Variants in HIVEP1 observed in about 807,000 individuals in gnomAD.
HIVEP1 encodes the protein HIVEP zinc finger 1, also known as zinc finger protein 40.
Under a neutral mutation model 180.0 loss-of-function variants are expected in HIVEP1, and 36 were observed. That is an observed-to-expected ratio of 0.20 (90% CI 0.15 to 0.26). The LOEUF (loss-of-function observed/expected upper bound fraction) is 0.26. HIVEP1 is among the 10% of genes least tolerant of loss of function. The probability of loss-of-function intolerance (pLI) is 1.00; values close to 1 mark genes in which losing one functional copy is unlikely to be tolerated. For missense variants in HIVEP1, 3,143 were observed against 3,268.7 expected, an observed-to-expected ratio of 0.96 and a Z score of 0.94; for synonymous variants, 1,239 against 1,239.0, an observed-to-expected ratio of 1.00 and a Z score of 0.00.
At chr6:12,052,033 A>G (rs1475356) in intron 2 of HIVEP1, among the ~76,000 whole-genome samples, 119,873 of 152,158 alleles carry the variant, frequency 0.79, 47,284 homozygotes, top group Middle Eastern at 0.91. Context: ...TGGTTAGCCA[A>G]TACAGAGATC....
chr6:12,011,577 C>T (rs1472230559), upstream of HIVEP1, among the ~76,000 whole-genome samples: 1 of 150,388 alleles, frequency 6.6e-6, no homozygotes, highest in African/African-American at 2.4e-5. Flanking sequence ...CGCCCCTCCC[C>T]CCCGGGCTGC....
At chr6:12,015,011 G>T (rs1350686083) in intron 1 of HIVEP1, among the ~76,000 whole-genome samples, 1 of 152,162 alleles carries the variant, frequency 6.6e-6, no homozygotes, top group Admixed American at 6.5e-5. Flanking sequence ...AGTCTCATCC[G>T]CTCACAGGTC....
chr6:12,075,042 TA>T (rs1161314534), intron 2 of HIVEP1, among the ~76,000 whole-genome samples: 1 of 152,090 alleles, frequency 6.6e-6, no homozygotes, highest in African/African-American at 2.4e-5. Flanking sequence ...GAAAAGACAG[TA>T]AAAAAAGTAC....
intron 2 of HIVEP1, among the ~76,000 whole-genome samples, chr6:12,066,661 AT>A (rs1297433245): frequency 6.6e-6 from 1 of 152,208 alleles, no homozygotes; most frequent in East Asian, 1.9e-4. Flanking sequence ...GACTGCTTAG[AT>A]TATGAAGATT....
At chr6:12,045,754 A>G (rs1770077843) in intron 2 of HIVEP1, among the ~76,000 whole-genome samples, 1 of 152,252 alleles carries the variant, frequency 6.6e-6, no homozygotes, top group South Asian at 2.1e-4. Context: ...CATTTATTAA[A>G]TGACAATTAA....
At chr6:12,058,212 T>C (rs752851736) in intron 2 of HIVEP1, among the ~76,000 whole-genome samples, 9 of 152,142 alleles carry the variant, frequency 5.9e-5, no homozygotes, top group Non-Finnish European at 1.3e-4. Context: ...AGTGTCAATA[T>C]TGCCAGTGAT....
rs765564447 is a variant in HIVEP1 at position 12,124,653 on chromosome 6, C to T, written c.4858C>T (p.Leu1620Phe). The part of the protein sequence containing the change: ...SNSHPLLPPE[L>F]RPLGSQVQKV... ...TTCGCATCCTCTGCTACCACCAGAGCTCAGGCCCCTTGGAAGTCAGGTGCA... is the reference window on the plus strand; with the variant it reads ...TTCGCATCCTCTGCTACCACCAGAGTTCAGGCCCCTTGGAAGTCAGGTGCA... Residue 1620 changes from leucine (L) to phenylalanine (F), a missense_variant, in exon 4 of 9, where the codon CTC (leucine) becomes TTC (phenylalanine). By Grantham distance (22) the Leu-to-Phe change is conservative. Around this residue, in one of 12 missense-constraint regions of HIVEP1, gnomAD observed 1,357 missense variants for 1,260.5 expected, o/e 1.08. Transcript: ENST00000379388. The T allele has an allele frequency of 6.2e-7, 1 of 1,614,168 alleles. No individual in the cohort carries two copies. Among genetic ancestry groups the T allele is most frequent in the Admixed American group, 1.7e-5 (1 of 60,034 alleles).
chr6:12,074,645 C>T lies in HIVEP1; in HGVS notation c.41-14539C>T, dbSNP rs75749412. ...GTGTGTGTGTGTGTGTGTGTGTGTGCGCGCGCGTGCATGTCCTTGTCTCTC... is the reference window on the plus strand; with the variant it reads ...GTGTGTGTGTGTGTGTGTGTGTGTGTGCGCGCGTGCATGTCCTTGTCTCTC... On this transcript the variant is annotated intron_variant, in intron 2 of 8. Transcript: ENST00000379388. Among the ~76,000 whole-genome samples the T allele has an allele frequency of 4.9e-3, 270 of 55,168 alleles. 1 individual carries two copies. The highest frequency in any genetic ancestry group is 7.1e-3 in the East Asian group (17 of 2,380). The allele number at this position is 55,168 out of a possible 152,430, so 36.2% of individuals were successfully genotyped here. A position where few individuals can be genotyped will look rare whatever the true frequency, so the allele number is the denominator to read the frequency against.
At chr6:12,114,507 T>C (rs1775100187) in intron 3 of HIVEP1, among the ~76,000 whole-genome samples, 1 of 152,104 alleles carries the variant, frequency 6.6e-6, no homozygotes, top group South Asian at 2.1e-4. Flanking sequence ...ACCTCCCCTC[T>C]CCACAGCATA....
intron 7 of HIVEP1, among the ~76,000 whole-genome samples, chr6:12,141,787 A>C (rs940250153): frequency 3.3e-5 from 5 of 151,372 alleles, no homozygotes; most frequent in African/African-American, 4.8e-5. Context: ...GAGACAAAGA[A>C]GGCCATTACA....
intron 2 of HIVEP1, among the ~76,000 whole-genome samples, chr6:12,054,960 C>T (rs1465912080): frequency 2.6e-5 from 4 of 152,176 alleles, no homozygotes; most frequent in Admixed American, 1.3e-4. Flanking sequence ...TTCAGTTTCT[C>T]GTGAGATGTA....
At chr6:12,074,636 G>GTGTGTGTGTGTGTGTGTGTGTA (rs1561914353) in intron 2 of HIVEP1, among the ~76,000 whole-genome samples, 3 of 149,238 alleles carry the variant, frequency 2.0e-5, no homozygotes, top group Non-Finnish European at 4.5e-5. Context: ...GTGTGTGTGT[G>GTGTGTGTGTGTGTGTGTGTGTA]TGTGTGTGCG....
intron 7 of HIVEP1, among the ~76,000 whole-genome samples, chr6:12,160,390 TG>T (rs1356515456): frequency 1.4e-4 from 22 of 152,198 alleles, no homozygotes; most frequent in Admixed American, 9.8e-4. Context: ...GACAGGAAAT[TG>T]TAGCATCTCT....
intron 3 of HIVEP1, among the ~76,000 whole-genome samples, chr6:12,112,688 C>T (rs1448279583): frequency 2.0e-5 from 3 of 152,068 alleles, no homozygotes; most frequent in East Asian, 1.9e-4. Context: ...ACCTCCTCAC[C>T]GCCCCCCTAG....
chr6:12,100,201 T>G (rs1774034910), intron 3 of HIVEP1, among the ~76,000 whole-genome samples: 1 of 152,216 alleles, frequency 6.6e-6, no homozygotes, highest in Non-Finnish European at 1.5e-5. Flanking sequence ...TAATAGACAG[T>G]ATTGCCCTGG....
chr6:12,121,625 G>T lies in HIVEP1; in HGVS notation c.1830G>T (p.Gln610His), dbSNP rs1239472781. The stretch of plus-strand genomic sequence containing the variant: ...AGCCACTTTCAGCCAACATGTCCCA[G>T]GGTGGAGTCTCCAGGTTGGAGACTA... ...NVQPLSANMS[Q>H]GGVSRLETNE... The change falls in exon 4 of 9, where the codon CAG becomes CAT. Residue 610 changes from glutamine (Q) to histidine (H), a missense_variant. By Grantham distance (24) the Gln-to-His change is conservative. Transcript: ENST00000379388. The surrounding 1 kb of genome is among the most constrained non-coding windows in gnomAD (Gnocchi z 5.3). 2 of 1,614,150 alleles carry T rather than the reference G, an allele frequency of 1.2e-6. No homozygotes were observed. Among genetic ancestry groups the T allele is most frequent in the Non-Finnish European group, 1.7e-6 (2 of 1,180,026 alleles).
At position 12,041,820 on chromosome 6, in the gene HIVEP1, T is replaced by C. The variant is rs550662648; in HGVS notation, c.40+26152T>C. On this transcript the variant is annotated intron_variant, in intron 2 of 8. Transcript: ENST00000379388. ...AATTAAAGTTCCATGCCACCATGCC[T>C]GGCTAATTTTTTGTATTTTTAGTAG... 8.1e-5 allele frequency among the ~76,000 whole-genome samples: 12 copies of C among 147,690 alleles called. No homozygotes were observed. The South Asian group carries it at 8.9e-4, about 11-fold the overall frequency.
At chr6:12,068,863 A>G (rs1771776779) in intron 2 of HIVEP1, among the ~76,000 whole-genome samples, 1 of 148,674 alleles carries the variant, frequency 6.7e-6, no homozygotes, top group Admixed American at 6.8e-5. Flanking sequence ...CAACTAATAC[A>G]GAAGCATATA....
In HIVEP1 at chr6:12,120,182, C is replaced by T. The variant is rs1581720421; in HGVS notation, c.387C>T (p.Val129=). The T allele has an allele frequency of 6.2e-7, 1 of 1,614,182 alleles. No homozygotes were observed. Among genetic ancestry groups the T allele is most frequent in the South Asian group, 1.1e-5 (1 of 91,092 alleles). The change falls in exon 4 of 9, where the codon GTC becomes GTT. Residue 129 remains valine, a synonymous_variant. Coordinates refer to ENST00000379388, the MANE Select transcript of HIVEP1 (RefSeq NM_002114.4). ...AAGCCTCAAAATCTGAAGAATCTGT[C>T]TCCCCAAAGAAGCCCTTGTTTCTGC... The part of the protein sequence containing the change: ...IAEASKSEES[V]SPKKPLFLQQ...
Sources: gnomAD v4.1 joint callset for allele counts (sites outside exome capture counted in the v4.1 genomes callset) on GRCh38, gnomAD v4.1.1 for gene constraint, gnomAD v4.1.1 regional missense constraint, Gnocchi (gnomAD v3.1) non-coding constraint, MANE v1.5 for transcripts, NCBI Gene and HGNC (gene_info 2026-07-23, HGNC 2026-07-21) for gene names.